ODF2: variants seen among roughly 807,000 people sequenced by gnomAD.
ODF2 encodes the protein outer dense fiber of sperm tails 2.
In ODF2, 47 loss-of-function variants were observed where a neutral mutation model predicts 110.2. The ratio of observed to expected loss-of-function variants is 0.43; its 90% confidence interval spans 0.34 to 0.54. The LOEUF is 0.54. ODF2 is among the 20% of genes least tolerant of loss of function. ODF2 has a pLI of 0.03. For synonymous variants in ODF2, 352 were observed against 397.7 expected, an observed-to-expected ratio of 0.89 and a Z score of 1.37; for missense variants, 812 against 1,054.5, an observed-to-expected ratio of 0.77 and a Z score of 3.19.
intron 7 of ODF2, 118 bp from the exon 8 acceptor site, chr9:128,473,492 T>G: frequency 6.7e-7 from 1 of 1,498,174 alleles, no homozygotes; most frequent in Non-Finnish European, 8.9e-7. Flanking sequence ...ACCTTGGCAC[T>G]GTACACAGCC....
chr9:128,494,527 G>C lies in ODF2; in HGVS notation c.1770G>C (p.Gln590His). Residue 590 changes from glutamine (Q) to histidine (H), a missense_variant, in exon 17 of 21, where the codon CAG becomes CAC. By Grantham distance (24) the Gln-to-His change is conservative. This residue lies in a region of ODF2 where 165 missense variants were observed against 293.4 expected (regional missense o/e 0.56). Coordinates refer to ENST00000604420, the Ensembl canonical transcript of ODF2. The surrounding 1 kb of genome is among the most constrained non-coding windows in gnomAD (Gnocchi z 4.6). ...TGTTTCAGGCACGAAGGCAGTTCCA[G>C]TCTCAGCTGGCTGACCTGCAGCAGC... 1 of 1,614,162 alleles carries C rather than the reference G, an allele frequency of 6.2e-7. No homozygotes were observed. The highest frequency in any genetic ancestry group is 2.2e-5 in the East Asian group (1 of 44,872).
rs942624370 is a variant in ODF2 at position 128,471,469 on chromosome 9, G to A, written c.581+1G>A. On this transcript the variant is annotated splice_donor_variant, in intron 6 of 20. Coordinates refer to ENST00000604420, the Ensembl canonical transcript of ODF2. LOFTEE classifies it high-confidence loss of function. ...TGAAGGAGGAGAAGGACTTCACCAT[G>A]TAAGGTGGCTCCTGCTCTGTCCCCG... 5.6e-6 allele frequency: 9 copies of A among 1,612,790 alleles called. No homozygotes were observed. The highest frequency in any genetic ancestry group is 7.6e-6 in the Non-Finnish European group (9 of 1,179,512).
intron 4 of ODF2, among the ~76,000 whole-genome samples, chr9:128,463,383 C>T (rs1287456959): frequency 6.6e-6 from 1 of 152,128 alleles, no homozygotes; most frequent in South Asian, 2.1e-4. Context: ...CTTTGGGAGG[C>T]CAAAGCAGGA....
At chr9:128,500,648 A>T, downstream of ODF2, 1 of 160,012 alleles carries the variant, frequency 6.2e-6, no homozygotes, top group Non-Finnish European at 1.4e-5. Flanking sequence ...TCTGACCTAA[A>T]CCAGCAGGAA....
At chr9:128,458,094 C>T (rs1835406277) in intron 2 of ODF2, among the ~76,000 whole-genome samples, 1 of 150,536 alleles carries the variant, frequency 6.6e-6, no homozygotes, top group Non-Finnish European at 1.5e-5. Flanking sequence ...TAATTTTGGA[C>T]CTCCCTGTCT....
At chr9:128,486,292 C>T (rs1321843638) in intron 13 of ODF2, among the ~76,000 whole-genome samples, 1 of 152,188 alleles carries the variant, frequency 6.6e-6, no homozygotes, top group Non-Finnish European at 1.5e-5. Flanking sequence ...ATGTGCCAGG[C>T]TCTATGCCAG....
At chr9:128,483,032 A>C (rs1020657886) in intron 10 of ODF2, 145 bp downstream of exon 10, 6 of 635,914 alleles carry the variant, frequency 9.4e-6, no homozygotes, top group Non-Finnish European at 1.6e-5. Flanking sequence ...AGTAGCTGGG[A>C]CTACAGGCGT....
At chr9:128,473,120 C>T (rs958171960) in intron 7 of ODF2, 78 bp downstream of exon 7, 17 of 1,593,136 alleles carry the variant, frequency 1.1e-5, no homozygotes, top group African/African-American at 8.1e-5. Context: ...AGGGTCTTTA[C>T]GCGTCATCAG....
intron 8 of ODF2, among the ~76,000 whole-genome samples, chr9:128,479,531 G>A (rs1393551577): frequency 6.6e-6 from 1 of 152,214 alleles, no homozygotes; most frequent in Non-Finnish European, 1.5e-5. Context: ...GTCCTCCCAT[G>A]TCCTGCTTGT....
exon 6 of ODF2, chr9:128,471,430 C>T (rs755487146): frequency 6.2e-7 from 1 of 1,613,478 alleles, no homozygotes; most frequent in Non-Finnish European, 8.5e-7. Flanking sequence ...TGTTGAGGCA[C>T]AACATCGAGC....
intron 14 of ODF2, among the ~76,000 whole-genome samples, chr9:128,489,105 T>G (rs971011594): frequency 6.6e-6 from 1 of 152,222 alleles, no homozygotes; most frequent in Non-Finnish European, 1.5e-5. Context: ...GAGTTGAGAT[T>G]TGAACCCGAG....
At chr9:128,486,878 G>A (rs1462832982) in intron 13 of ODF2, among the ~76,000 whole-genome samples, 6 of 152,274 alleles carry the variant, frequency 3.9e-5, no homozygotes, top group East Asian at 3.9e-4. Context: ...GGAATGCCTG[G>A]GTGATAATCC....
At chr9:128,471,514 C>T in intron 6 of ODF2, 46 bp downstream of exon 6, 2 of 1,591,292 alleles carry the variant, frequency 1.3e-6, no homozygotes, top group Non-Finnish European at 1.7e-6. Flanking sequence ...TCCTCCCTAC[C>T]AGGCTGCCTT....
exon 20 of ODF2, chr9:128,499,118 C>T (rs924771029): frequency 1.9e-6 from 3 of 1,614,130 alleles, no homozygotes; most frequent in Admixed American, 1.7e-5. Context: ...GCGGCGGAGC[C>T]GTGATGATGT....
chr9:128,484,986 G>T, intron 12 of ODF2, 100 bp downstream of exon 12: 2 of 1,200,378 alleles, frequency 1.7e-6, no homozygotes, highest in Non-Finnish European at 2.4e-6. Flanking sequence ...GGGGTGGGTG[G>T]ATGAGGGATG....
chr9:128,480,184 A>G (rs1368437674), intron 8 of ODF2, among the ~76,000 whole-genome samples: 1 of 152,218 alleles, frequency 6.6e-6, no homozygotes, highest in African/African-American at 2.4e-5. Context: ...TTTTACCACA[A>G]TTTTTAAAAG....
chr9:128,492,131 C>T (rs569159830), intron 14 of ODF2, among the ~76,000 whole-genome samples: 1 of 152,236 alleles, frequency 6.6e-6, no homozygotes, highest in Admixed American at 6.5e-5. Flanking sequence ...TCCCAAAGTG[C>T]TGGGATTATA....
rs1271832381 is a variant in ODF2, at chr9:128,485,508, T to A, written c.1400+34T>A. Reference sequence around the variant, plus strand: ...TAGAGTAGGAGAGGGAATGTGGCGCTGTTGAGGGACTTGGGTGTGCAGGTG... The same window carrying A: ...TAGAGTAGGAGAGGGAATGTGGCGCAGTTGAGGGACTTGGGTGTGCAGGTG... On this transcript the variant is annotated intron_variant, in intron 13 of 20. Transcript: ENST00000604420. This position sits in a 1 kb window ranked among gnomAD's most constrained non-coding sequence, Gnocchi z 5.0. The A allele has an allele frequency of 1.6e-6, 2 of 1,224,286 alleles. No homozygotes were observed. Among genetic ancestry groups the A allele is most frequent in the South Asian group, 1.2e-5 (1 of 80,806 alleles). 75.8% of individuals were successfully genotyped at this position (1,224,286 alleles called of 1,614,324 possible). A position where few individuals can be genotyped will look rare whatever the true frequency, so the allele number is the denominator to read the frequency against.
chr9:128,459,696 C>A (rs779298405), intron 3 of ODF2, 39 bp downstream of exon 2: 1 of 1,530,906 alleles, frequency 6.5e-7, no homozygotes, highest in Admixed American at 1.7e-5. Flanking sequence ...CTTTGGTCAC[C>A]TTGCTAAAAA....
Sources: allele counts gnomAD v4.1 joint callset (sites outside exome capture counted in the v4.1 genomes callset), GRCh38; gene constraint gnomAD v4.1.1; regional missense constraint gnomAD v4.1.1; non-coding constraint Gnocchi (gnomAD v3.1); transcripts MANE v1.5; gene names NCBI Gene and HGNC (gene_info 2026-07-23, HGNC 2026-07-21).